Variants in MALT1 observed in about 807,000 individuals in gnomAD.
MALT1 encodes MALT1 paracaspase, also known as mucosa-associated lymphoid tissue lymphoma translocation protein 1.
Under a neutral mutation model 85.5 loss-of-function variants are expected in MALT1, and 36 were observed. That is an observed-to-expected ratio of 0.42 (90% CI 0.32 to 0.56). The LOEUF (loss-of-function observed/expected upper bound fraction) is 0.56. MALT1 is among the 20% of genes least tolerant of loss of function. MALT1 has a pLI of 0.10. For synonymous variants in MALT1, 359 were observed against 361.3 expected, an observed-to-expected ratio of 0.99 and a Z score of 0.07; for missense variants, 716 against 981.6, an observed-to-expected ratio of 0.73 and a Z score of 3.62.
chr18:58,711,283 AAGAT>A (rs984161516), intron 7 of MALT1, among the ~76,000 whole-genome samples: 6 of 152,204 alleles, frequency 3.9e-5, no homozygotes, highest in South Asian at 2.1e-4. Flanking sequence ...ATTTGTAAGA[AAGAT>A]AGGTGGCTAC....
At chr18:58,718,421 G>A (rs147716957) in intron 9 of MALT1, among the ~76,000 whole-genome samples, 3 of 152,332 alleles carry the variant, frequency 2.0e-5, no homozygotes, top group African/African-American at 4.8e-5. Flanking sequence ...AGCAGGAGGC[G>A]AGTGAGCGAG....
At chr18:58,726,463 T>C (rs2144434299) in intron 10 of MALT1, among the ~76,000 whole-genome samples, 1 of 152,198 alleles carries the variant, frequency 6.6e-6, no homozygotes, top group East Asian at 1.9e-4. Flanking sequence ...TGGGGGAAGA[T>C]GGAAGGCAGA....
chr18:58,714,257 A>G, intron 8 of MALT1, 148 bp downstream of exon 8: 1 of 457,794 alleles, frequency 2.2e-6, no homozygotes, highest in South Asian at 2.8e-5. Context: ...AATTAACTAC[A>G]TGAAGTACAA....
intron 2 of MALT1, among the ~76,000 whole-genome samples, chr18:58,692,407 C>CCT (rs35054606): frequency 0.11 from 13,795 of 130,204 alleles, 828 homozygotes; most frequent in Admixed American, 0.15. Context: ...ACTGGCCATT[C>CCT]CTCTCTCTCT....
intron 10 of MALT1, among the ~76,000 whole-genome samples, chr18:58,729,260 C>T (rs1469550605): frequency 6.6e-6 from 1 of 152,042 alleles, no homozygotes; most frequent in African/African-American, 2.4e-5. Flanking sequence ...GAGGCCGAGG[C>T]AGGCAGATCA....
chr18:58,718,581 C>T (rs1293733164), intron 9 of MALT1, among the ~76,000 whole-genome samples: 1 of 152,198 alleles, frequency 6.6e-6, no homozygotes, highest in African/African-American at 2.4e-5. Context: ...CACCCCTCCC[C>T]TGACACCGTC....
intron 1 of MALT1, among the ~76,000 whole-genome samples, chr18:58,674,555 C>T (rs770416148): frequency 1.2e-4 from 19 of 152,250 alleles, no homozygotes; most frequent in African/African-American, 3.4e-4. Flanking sequence ...AAGAATTAAA[C>T]GGACTTTTTT....
At chr18:58,703,618 G>A (rs2054705364) in intron 4 of MALT1, among the ~76,000 whole-genome samples, 1 of 152,092 alleles carries the variant, frequency 6.6e-6, no homozygotes, top group Admixed American at 6.5e-5. Context: ...TGCCAGACAT[G>A]TAAATAACCA....
chr18:58,694,595 TG>T (rs756615289), intron 2 of MALT1, among the ~76,000 whole-genome samples: 13 of 152,272 alleles, frequency 8.5e-5, no homozygotes, highest in Non-Finnish European at 1.8e-4. Flanking sequence ...CTTTTGCAAA[TG>T]TAAGCTTTTC....
chr18:58,701,880 C>T (rs1370214436), intron 4 of MALT1, among the ~76,000 whole-genome samples: 1 of 152,176 alleles, frequency 6.6e-6, no homozygotes, highest in East Asian at 1.9e-4. Context: ...AAAACAAACA[C>T]TCAATAACCA....
In MALT1 at chr18:58,696,581, T is replaced by C. The variant is rs1014716194; in HGVS notation, c.498+94T>C. 5 of 1,071,756 alleles carry C rather than the reference T, an allele frequency of 4.7e-6. No individual in the cohort carries two copies. The East Asian group carries it at 8.4e-5, about 18-fold the overall frequency. The allele number at this position is 1,071,756 out of a possible 1,614,324, so 66.4% of individuals were successfully genotyped here. Reference sequence around the variant, plus strand: ...CGTCCTAAATGTAGTTTTAACAGTTTGGTAAAAGAGTCTGATAGACATTGC... The same window carrying C: ...CGTCCTAAATGTAGTTTTAACAGTTCGGTAAAAGAGTCTGATAGACATTGC... On this transcript the variant is annotated intron_variant, in intron 3 of 16. Transcript: ENST00000649217.
rs1053436558 is a variant in MALT1 at position 58,716,554 on chromosome 18, G to A, written c.1018+587G>A. 5.9e-5 allele frequency among the ~76,000 whole-genome samples: 9 copies of A among 152,340 alleles called. No individual in the cohort carries two copies. The East Asian group carries it at 1.7e-3, about 29-fold the overall frequency. On this transcript the variant is annotated intron_variant, in intron 9 of 16. Coordinates refer to ENST00000649217, the MANE Select transcript of MALT1 (RefSeq NM_006785.4). The stretch of plus-strand genomic sequence containing the variant: ...AATTTGTCCATTGGATTCAGCTACT[G>A]AAGATGTGATTGGTGGCTTTGAGTG...
chr18:58,734,881 T>G (rs1279942957), intron 12 of MALT1, among the ~76,000 whole-genome samples: 4 of 152,198 alleles, frequency 2.6e-5, no homozygotes, highest in African/African-American at 9.7e-5. Context: ...TTTTAAAAAA[T>G]TATTTTTATT....
chr18:58,691,821 C>T (rs910281084), intron 2 of MALT1, among the ~76,000 whole-genome samples: 1 of 151,240 alleles, frequency 6.6e-6, no homozygotes, highest in Non-Finnish European at 1.5e-5. Context: ...TGCCGTGAGC[C>T]GAGATTGCGC....
Position 58,727,422 on chromosome 18 carries a change from GCC to G in MALT1, c.1222+4175_1222+4176del, listed in dbSNP as rs2055072116. ...GGGTTCAAGCAGTTCTCCTGCCTGAGCCCCCAGAGTAGCTGGGATTACAGGCA... is the reference window on the plus strand; with the variant it reads ...GGGTTCAAGCAGTTCTCCTGCCTGAGCCCAGAGTAGCTGGGATTACAGGCA... On this transcript the variant is annotated intron_variant, in intron 10 of 16. Transcript: ENST00000649217. Among the ~76,000 whole-genome samples, 8 of 152,228 alleles carry G rather than the reference GCC, an allele frequency of 5.3e-5. 1 individual carries two copies. In the South Asian group the frequency reaches 1.7e-3, roughly 32 times the overall value.
chr18:58,698,704 GC>G (rs2054629414), intron 3 of MALT1, among the ~76,000 whole-genome samples: 1 of 152,338 alleles, frequency 6.6e-6, no homozygotes, highest in African/African-American at 2.4e-5. Flanking sequence ...GCATGCAAGA[GC>G]TTTCAGAAGG....
intron 6 of MALT1, among the ~76,000 whole-genome samples, 184 bp downstream of exon 6, chr18:58,710,256 G>C (rs965382432): frequency 6.6e-6 from 1 of 152,072 alleles, no homozygotes; most frequent in East Asian, 1.9e-4. Context: ...TCATAATCTA[G>C]GTTCACAGAA....
At chr18:58,704,736 G>A (rs996814233) in intron 4 of MALT1, among the ~76,000 whole-genome samples, 3 of 152,152 alleles carry the variant, frequency 2.0e-5, no homozygotes, top group Non-Finnish European at 2.9e-5. Context: ...GAGCCACCGC[G>A]CCTGGCCAGA....
rs1393151614 is a variant in MALT1 at position 58,747,989 on chromosome 18, A to C, written c.*147A>C. 1.6e-6 allele frequency: 1 copy of C among 624,534 alleles called. No homozygotes were observed. The highest frequency in any genetic ancestry group is 2.8e-6 in the Non-Finnish European group (1 of 358,258). 38.7% of individuals were successfully genotyped at this position (624,534 alleles called of 1,614,324 possible). On this transcript the variant is annotated 3_prime_UTR_variant, in exon 17 of 17. Coordinates refer to ENST00000649217, the MANE Select transcript of MALT1 (RefSeq NM_006785.4). ...TTTCATAGCAAACTTCAGGACTTTGAGATGTTGAAATTACATTATTTAATT... is the reference window on the plus strand; with the variant it reads ...TTTCATAGCAAACTTCAGGACTTTGCGATGTTGAAATTACATTATTTAATT...
Sources: gnomAD v4.1 joint callset for allele counts (sites outside exome capture counted in the v4.1 genomes callset) on GRCh38, gnomAD v4.1.1 for gene constraint, MANE v1.5 for transcripts, NCBI Gene and HGNC (gene_info 2026-07-23, HGNC 2026-07-21) for gene names.